LIFR: variants seen among roughly 807,000 people sequenced by gnomAD.
LIFR encodes the protein LIF receptor subunit alpha.
Under a neutral mutation model 122.2 loss-of-function variants are expected in LIFR, and 84 were observed. That is an observed-to-expected ratio of 0.69 (90% confidence interval 0.58 to 0.82). The LOEUF is 0.82. Among genes scored for constraint, LIFR ranks in the 40% least tolerant of loss-of-function variants. LIFR has a pLI of 0.00. For missense variants in LIFR, 1,294 were observed against 1,311.6 expected (o/e 0.99, Z 0.21); for synonymous variants, 422 against 434.7 (o/e 0.97, Z 0.36).
chr5:38,554,308 G>C (rs985986386), intron 1 of LIFR, among the ~76,000 whole-genome samples: 1 of 152,152 alleles, frequency 6.6e-6, no homozygotes, highest in African/African-American at 2.4e-5. Flanking sequence ...AAGTTATATA[G>C]AAGCAAACAG....
intron 7 of LIFR, among the ~76,000 whole-genome samples, chr5:38,507,732 A>T (rs949564778): frequency 2.0e-5 from 3 of 152,072 alleles, no homozygotes; most frequent in African/African-American, 7.2e-5. Context: ...GTTCTTTTTT[A>T]AAAAAACTAC....
chr5:38,479,262 G>GA lies in LIFR; in HGVS notation c.*2332dup, dbSNP rs1743864396. 4.3e-6 allele frequency: 1 copy of GA among 231,918 alleles called. No homozygotes were observed. The highest frequency in any genetic ancestry group is 2.2e-5 in the African/African-American group (1 of 45,276). 14.4% of individuals were successfully genotyped at this position (231,918 alleles called of 1,614,324 possible). A position where few individuals can be genotyped will look rare whatever the true frequency, so the allele number is the denominator to read the frequency against. Reference sequence around the variant, plus strand: ...TTTTAAGCACACAGCAACTTATAAGGAGCTTGCCCAGACTTAATAGCGTTA... The same window carrying GA: ...TTTTAAGCACACAGCAACTTATAAGGAAGCTTGCCCAGACTTAATAGCGTTA... On this transcript the variant is annotated 3_prime_UTR_variant, in exon 20 of 20. Transcript: ENST00000453190.
chr5:38,562,980 A>T (rs866204958), intron 1 of LIFR, among the ~76,000 whole-genome samples: 2 of 152,322 alleles, frequency 1.3e-5, no homozygotes, highest in African/African-American at 4.8e-5. Flanking sequence ...CGGGTACCTA[A>T]TCTGGAACAC....
intron 16 of LIFR, among the ~76,000 whole-genome samples, chr5:38,487,977 T>C (rs1744380837): frequency 6.6e-6 from 1 of 152,222 alleles, no homozygotes; most frequent in Non-Finnish European, 1.5e-5. Context: ...TTCTGAATCT[T>C]CTTTTTCAGT....
In LIFR at chr5:38,478,216, A is replaced by C. The variant is rs1743814024; in HGVS notation, c.*3379T>G. The C allele has an allele frequency of 9.6e-6, 2 of 207,282 alleles. No homozygotes were observed. The highest frequency in any genetic ancestry group is 2.0e-5 in the Non-Finnish European group (2 of 101,754). 12.8% of individuals were successfully genotyped at this position (207,282 alleles called of 1,614,324 possible). A position where few individuals can be genotyped will look rare whatever the true frequency, so the allele number is the denominator to read the frequency against. ...TAGGACTTATTTCCAACAAGAATAC[A>C]ATATGCATGAAGTTTTGAAAATGTG... On this transcript the variant is annotated 3_prime_UTR_variant, in exon 20 of 20. Transcript: ENST00000453190.
chr5:38,534,108 C>T (rs1747165063), intron 1 of LIFR, among the ~76,000 whole-genome samples: 1 of 152,184 alleles, frequency 6.6e-6, no homozygotes, highest in African/African-American at 2.4e-5. Flanking sequence ...ACAGTACCCG[C>T]ACTGCTCATT....
chr5:38,542,399 C>T (rs769587284), intron 1 of LIFR, among the ~76,000 whole-genome samples: 14 of 152,140 alleles, frequency 9.2e-5, no homozygotes, highest in Non-Finnish European at 1.9e-4. Context: ...GTTATGACTA[C>T]CACTTGTGCC....
At chr5:38,580,547 C>T (rs1039111735) in intron 1 of LIFR, among the ~76,000 whole-genome samples, 2 of 152,172 alleles carry the variant, frequency 1.3e-5, no homozygotes, top group Non-Finnish European at 2.9e-5. Flanking sequence ...TAATCTGCTA[C>T]CTGGCCTTCT....
intron 3 of LIFR, 27 bp downstream of exon 3, chr5:38,528,699 T>C (rs371262984): frequency 2.3e-6 from 3 of 1,326,262 alleles, no homozygotes; most frequent in African/African-American, 1.5e-5. Flanking sequence ...ACCTAGCTCA[T>C]TGTGAATTAA....
At chr5:38,496,353 TTA>T in intron 13 of LIFR, 27 bp downstream of exon 13, 1 of 1,519,250 alleles carries the variant, frequency 6.6e-7, no homozygotes, top group Non-Finnish European at 9.1e-7. Flanking sequence ...TTTCCCGTTC[TTA>T]TATACTAAAT....
chr5:38,545,788 G>T (rs1386489892), intron 1 of LIFR, among the ~76,000 whole-genome samples: 5 of 151,052 alleles, frequency 3.3e-5, no homozygotes, highest in Non-Finnish European at 7.4e-5. Context: ...CGTGAACCCG[G>T]GAGGTGGACC....
intron 14 of LIFR, among the ~76,000 whole-genome samples, chr5:38,492,459 G>C (rs1006389682): frequency 2.0e-5 from 3 of 152,200 alleles, no homozygotes; most frequent in Non-Finnish European, 4.4e-5. Context: ...CAACATGGGA[G>C]GGGATGGAAG....
rs1743914481 is a variant in LIFR, at chr5:38,480,170, T to C, written c.*1425A>G. 8.7e-6 allele frequency: 2 copies of C among 229,058 alleles called. No individual in the cohort carries two copies. The highest frequency in any genetic ancestry group is 5.7e-5 in the Admixed American group (1 of 17,660). 14.2% of individuals were successfully genotyped at this position (229,058 alleles called of 1,614,324 possible). ...AAAAAGACATATCTTATTCGGACAC[T>C]TAAAATTTTCAAGTACTTTTGCCTT... On this transcript the variant is annotated 3_prime_UTR_variant, in exon 20 of 20. Transcript: ENST00000453190.
chr5:38,601,135 G>A (rs546969060), intron 2 of LIFR, among the ~76,000 whole-genome samples: 2 of 152,304 alleles, frequency 1.3e-5, no homozygotes, highest in African/African-American at 2.4e-5. Context: ...AGGATTAGAC[G>A]AGGTTACAAG....
At chr5:38,491,020 G>A (rs1744562071) in intron 14 of LIFR, among the ~76,000 whole-genome samples, 1 of 152,102 alleles carries the variant, frequency 6.6e-6, no homozygotes, top group Non-Finnish European at 1.5e-5. Flanking sequence ...CAAACCCACT[G>A]CTCTCTCCTC....
In LIFR at chr5:38,574,777, C is replaced by T. The variant is rs139876041; in HGVS notation, c.-20+20484G>A. ...GACTATACTCTACTTTGCATGCTGA[C>T]GGTCACAGTCTTTTCCTAAGCTCTG... On this transcript the variant is annotated intron_variant, in intron 1 of 19. Transcript: ENST00000263409. Among the ~76,000 whole-genome samples, 666 of 152,266 alleles carry T rather than the reference C, an allele frequency of 4.4e-3. 3 individuals are homozygous for T. The highest frequency in any genetic ancestry group is 0.015 in the African/African-American group (639 of 41,548).
Position 38,528,808 on chromosome 5 carries a change from T to G in LIFR, c.175A>C (p.Asn59His), listed in dbSNP as rs756219488. Residue 59 changes from asparagine (N) to histidine (H), a missense_variant, in exon 3 of 20, where the codon AAT becomes CAT. Asn to His is a moderately conservative substitution (Grantham distance 68, BLOSUM62 1). Coordinates refer to ENST00000453190, the MANE Select transcript of LIFR (RefSeq NM_001127671.2). ...APHDLKCVTN[N>H]LQVWNCSWKA... ...CAAGAACAGTTCCACACTTGCAAATTGTTAGTTACACACTTCAAATCATGA... is the reference window on the plus strand; with the variant it reads ...CAAGAACAGTTCCACACTTGCAAATGGTTAGTTACACACTTCAAATCATGA... The G allele has an allele frequency of 8.2e-6, 13 of 1,582,814 alleles. No individual in the cohort carries two copies. Among genetic ancestry groups the G allele is most frequent in the Admixed American group, 1.8e-5 (1 of 56,720 alleles).
At chr5:38,524,205 G>C (rs1178811053) in intron 4 of LIFR, among the ~76,000 whole-genome samples, 1 of 152,156 alleles carries the variant, frequency 6.6e-6, no homozygotes, top group Non-Finnish European at 1.5e-5. Flanking sequence ...TCTCGTGCTG[G>C]GGGATGTCAC....
intron 1 of LIFR, among the ~76,000 whole-genome samples, chr5:38,562,317 C>T (rs191608654): frequency 2.4e-4 from 37 of 152,314 alleles, no homozygotes; most frequent in Non-Finnish European, 4.3e-4. Flanking sequence ...ATTGAGCCTC[C>T]ATCCCTTTAC....
Sources: gnomAD v4.1 joint callset for allele counts (sites outside exome capture counted in the v4.1 genomes callset) on GRCh38, gnomAD v4.1.1 for gene constraint, MANE v1.5 for transcripts, NCBI Gene and HGNC (gene_info 2026-07-23, HGNC 2026-07-21) for gene names.